Variants in MCC observed in about 807,000 individuals in gnomAD.
MCC encodes the protein colorectal mutant cancer protein.
MCC carries 90 observed loss-of-function variants against 116.2 expected under a neutral mutation model. The ratio of observed to expected loss-of-function variants is 0.77; its 90% CI spans 0.65 to 0.92. The LOEUF (loss-of-function observed/expected upper bound fraction) is 0.92, where lower values mean the gene tolerates loss of function less well. Ranked by LOEUF, MCC falls within the 40% of genes least tolerant of loss-of-function variation. The pLI, the probability that MCC is intolerant of heterozygous loss-of-function variation, is 0.00. For missense variants in MCC, 1,516 were observed against 1,312.2 expected, an observed-to-expected ratio of 1.16 and a Z score of -2.40; for synonymous variants, 578 against 510.5, an observed-to-expected ratio of 1.13 and a Z score of -1.78.
intron 3 of MCC, among the ~76,000 whole-genome samples, chr5:113,269,996 G>A (rs1765551977): frequency 6.6e-6 from 1 of 152,196 alleles, no homozygotes; most frequent in African/African-American, 2.4e-5. Flanking sequence ...TCCCAAAGAA[G>A]GAAGAGAGAA....
intron 3 of MCC, among the ~76,000 whole-genome samples, chr5:113,293,825 G>A (rs1766604188): frequency 6.6e-6 from 1 of 152,094 alleles, no homozygotes; most frequent in African/African-American, 2.4e-5. Context: ...ATTCATCTCA[G>A]CCTAGGGAAG....
At chr5:113,143,091 T>G in intron 5 of MCC, 127 bp downstream of exon 5, 1 of 1,007,698 alleles carries the variant, frequency 9.9e-7, no homozygotes, top group South Asian at 1.9e-5. Flanking sequence ...AAAACATCAT[T>G]ATAATCTAGT....
intron 3 of MCC, among the ~76,000 whole-genome samples, chr5:113,295,667 C>T (rs1482602843): frequency 6.6e-6 from 1 of 152,158 alleles, no homozygotes; most frequent in Non-Finnish European, 1.5e-5. Flanking sequence ...ATCTGAGCTC[C>T]CCTTCAACTT....
chr5:113,037,237 T>C (rs953368764), intron 17 of MCC, among the ~76,000 whole-genome samples: 4 of 152,190 alleles, frequency 2.6e-5, no homozygotes, highest in African/African-American at 9.6e-5. Context: ...GGTCATCCTT[T>C]TTCCATTCAG....
intron 2 of MCC, among the ~76,000 whole-genome samples, chr5:113,384,722 GA>G (rs1161479312): frequency 6.6e-6 from 1 of 152,206 alleles, no homozygotes; most frequent in Non-Finnish European, 1.5e-5. Flanking sequence ...ATAGCTACTT[GA>G]ATGCATTATT....
At chr5:113,238,121 C>G (rs990158911) in intron 3 of MCC, among the ~76,000 whole-genome samples, 6 of 152,182 alleles carry the variant, frequency 3.9e-5, no homozygotes, top group Non-Finnish European at 8.8e-5. Context: ...GTAGCACTCA[C>G]AGCAAAATGC....
intron 3 of MCC, among the ~76,000 whole-genome samples, chr5:113,318,476 T>C (rs1325922753): frequency 6.6e-6 from 1 of 152,206 alleles, no homozygotes; most frequent in Admixed American, 6.5e-5. Flanking sequence ...ATGGTACATA[T>C]ACACCATGGA....
intron 3 of MCC, among the ~76,000 whole-genome samples, chr5:113,314,690 C>A (rs368262634): frequency 2.6e-5 from 4 of 152,234 alleles, no homozygotes; most frequent in East Asian, 3.9e-4. Context: ...TGGGTTCAAG[C>A]GATTCTCCTG....
intron 3 of MCC, among the ~76,000 whole-genome samples, chr5:113,202,555 C>T (rs533805580): frequency 8.5e-5 from 13 of 152,244 alleles, no homozygotes; most frequent in East Asian, 7.7e-4. Context: ...CATTCAGATA[C>T]GCCGACAGTG....
At chr5:113,285,722 G>A (rs1314868714) in intron 3 of MCC, among the ~76,000 whole-genome samples, 2 of 152,160 alleles carry the variant, frequency 1.3e-5, no homozygotes, top group Non-Finnish European at 2.9e-5. Flanking sequence ...TTCCCTGAGA[G>A]TTTTTCCTTT....
chr5:113,384,226 A>C (rs1446880756), intron 2 of MCC, among the ~76,000 whole-genome samples: 3 of 152,230 alleles, frequency 2.0e-5, no homozygotes, highest in African/African-American at 7.2e-5. Context: ...ATCTTGCACC[A>C]GTAAGAAATA....
intron 3 of MCC, among the ~76,000 whole-genome samples, chr5:113,320,612 T>C (rs1437413304): frequency 6.6e-6 from 1 of 152,206 alleles, no homozygotes; most frequent in African/African-American, 2.4e-5. Context: ...ACTACTTATC[T>C]CTTAAAATTT....
intron 1 of MCC, chr5:113,433,987 T>G (rs756447462): frequency 3.1e-6 from 5 of 1,613,994 alleles, no homozygotes; most frequent in Non-Finnish European, 4.2e-6. Flanking sequence ...CCCTCCTTGT[T>G]GATGGCCACA....
intron 1 of MCC, among the ~76,000 whole-genome samples, chr5:113,470,248 C>G (rs1632333): frequency 1.3e-5 from 2 of 151,834 alleles, no homozygotes; most frequent in Non-Finnish European, 2.9e-5. Flanking sequence ...TTATTTTGCT[C>G]GTTAGTTGAT....
chr5:113,191,951 G>A (rs1337106802), intron 3 of MCC, among the ~76,000 whole-genome samples: 1 of 152,206 alleles, frequency 6.6e-6, no homozygotes, highest in Non-Finnish European at 1.5e-5. Context: ...CCCTGGATAA[G>A]TTAGGTTACC....
intron 2 of MCC, among the ~76,000 whole-genome samples, chr5:113,350,526 T>C (rs1483089660): frequency 2.6e-5 from 4 of 152,032 alleles, no homozygotes; most frequent in Non-Finnish European, 4.4e-5. Flanking sequence ...TCTCACCATA[T>C]ACAAAAATCA....
At chr5:113,150,273 C>G (rs1186606543) in intron 4 of MCC, among the ~76,000 whole-genome samples, 1 of 152,156 alleles carries the variant, frequency 6.6e-6, no homozygotes, top group African/African-American at 2.4e-5. Context: ...CCATTTTAAA[C>G]CCTGCCTCCT....
intron 15 of MCC, among the ~76,000 whole-genome samples, chr5:113,051,219 A>G (rs1412344355): frequency 6.6e-6 from 1 of 152,232 alleles, no homozygotes; most frequent in Non-Finnish European, 1.5e-5. Flanking sequence ...GACAGTTTCC[A>G]CAGAGGATGA....
At chr5:113,322,927 C>A (rs1357636847) in intron 3 of MCC, 1 of 152,222 alleles carries the variant, frequency 6.6e-6, no homozygotes, top group East Asian at 1.9e-4. Context: ...ACCTGTGTAA[C>A]CAATAGGATA....
Sources: allele counts gnomAD v4.1 joint callset (sites outside exome capture counted in the v4.1 genomes callset), GRCh38; gene constraint gnomAD v4.1.1; transcripts MANE v1.5; gene names NCBI Gene and HGNC (gene_info 2026-07-23, HGNC 2026-07-21).